The following VDAC1 variants were observed in gnomAD, a reference collection of about 807,000 sequenced individuals.
VDAC1 encodes non-selective voltage-gated ion channel VDAC1.
A neutral mutation model predicts 34.7 loss-of-function variants in VDAC1; 10 were observed. The ratio of observed to expected loss-of-function variants is 0.29; its 90% confidence interval spans 0.18 to 0.49. VDAC1 has a LOEUF of 0.49. Ranked by LOEUF, VDAC1 falls within the 20% of genes least tolerant of loss-of-function variation. The probability of loss-of-function intolerance (pLI) is 0.99; values close to 1 mark genes in which losing one functional copy is unlikely to be tolerated. For synonymous variants in VDAC1, 130 were observed against 136.0 expected (o/e 0.96, Z 0.30); for missense variants, 230 against 347.9 (o/e 0.66, Z 2.69).
chr5:134,103,246 C>A, the VDAC1 span, among the ~76,000 whole-genome samples: 2 of 152,150 alleles, frequency 1.3e-5, no homozygotes, highest in Non-Finnish European at 2.9e-5. Flanking sequence ...CTCAGCCTCC[C>A]GAGTAGCTGG....
chr5:134,008,666 T>C (rs971428081), upstream of VDAC1, among the ~76,000 whole-genome samples: 3 of 152,220 alleles, frequency 2.0e-5, no homozygotes, highest in Admixed American at 2.0e-4. Flanking sequence ...CAGAGCCAGA[T>C]GTCCCTGGAT....
At chr5:133,987,397 G>A (rs904704743) in intron 5 of VDAC1, among the ~76,000 whole-genome samples, 3 of 151,940 alleles carry the variant, frequency 2.0e-5, no homozygotes, top group Non-Finnish European at 4.4e-5. Flanking sequence ...ACCATTTGTA[G>A]CCAGGCGTGG....
the VDAC1 span, among the ~76,000 whole-genome samples, chr5:134,095,156 C>T: frequency 1.3e-5 from 2 of 152,090 alleles, no homozygotes; most frequent in Non-Finnish European, 2.9e-5. Context: ...TATCTCAGTG[C>T]CTTTATTTAA....
the VDAC1 span, among the ~76,000 whole-genome samples, chr5:134,107,065 A>C: frequency 6.6e-6 from 1 of 152,208 alleles, no homozygotes; most frequent in Non-Finnish European, 1.5e-5. Context: ...ACTCTTACAG[A>C]GACCACCCCT....
the VDAC1 span, among the ~76,000 whole-genome samples, chr5:134,089,427 T>C: frequency 6.6e-6 from 1 of 152,194 alleles, no homozygotes; most frequent in Non-Finnish European, 1.5e-5. Flanking sequence ...CCAATGTGGT[T>C]CCCATTTGAA....
intron 7 of VDAC1, 128 bp from the exon 8 acceptor site, chr5:133,973,976 T>G: frequency 1.4e-6 from 1 of 709,832 alleles, no homozygotes; most frequent in Non-Finnish European, 2.4e-6. Context: ...GACCACCTTG[T>G]TCATGAGATT....
the VDAC1 span, among the ~76,000 whole-genome samples, chr5:134,042,568 A>G: frequency 6.6e-6 from 1 of 151,898 alleles, no homozygotes; most frequent in Non-Finnish European, 1.5e-5. Flanking sequence ...ATCTCAGCTC[A>G]CTGCAACCTC....
chr5:134,081,270 C>T, the VDAC1 span, among the ~76,000 whole-genome samples: 1 of 152,134 alleles, frequency 6.6e-6, no homozygotes, highest in Admixed American at 6.5e-5. Context: ...AACTCCTGAC[C>T]AGGTGATCTG....
chr5:134,095,279 C>T, the VDAC1 span, among the ~76,000 whole-genome samples: 2 of 151,544 alleles, frequency 1.3e-5, no homozygotes, highest in Non-Finnish European at 2.9e-5. Flanking sequence ...GCCAGGAGTT[C>T]GAGACCAGCC....
At chr5:134,031,487 G>A in the VDAC1 span, among the ~76,000 whole-genome samples, 1 of 152,120 alleles carries the variant, frequency 6.6e-6, no homozygotes, top group Non-Finnish European at 1.5e-5. Flanking sequence ...TTTATAAGAG[G>A]GAGACAGGAG....
At chr5:134,090,768 C>T in the VDAC1 span, among the ~76,000 whole-genome samples, 1 of 152,204 alleles carries the variant, frequency 6.6e-6, no homozygotes, top group Non-Finnish European at 1.5e-5. Context: ...AGAGAGCAAC[C>T]TTCTACTTCC....
chr5:134,077,712 T>C, the VDAC1 span, among the ~76,000 whole-genome samples: 3 of 152,212 alleles, frequency 2.0e-5, no homozygotes, highest in Admixed American at 6.5e-5. Context: ...AGAGAAGAGC[T>C]AGGCCTCCCT....
At chr5:134,084,773 G>C in the VDAC1 span, among the ~76,000 whole-genome samples, 3,028 of 152,376 alleles carry the variant, frequency 0.02, 86 homozygotes, top group African/African-American at 0.069. Context: ...CCAGGGGTTA[G>C]GCTGATGCAA....
chr5:134,005,673 C>T (rs1753732462), upstream of VDAC1: 3 of 152,236 alleles, frequency 2.0e-5, no homozygotes, highest in South Asian at 4.1e-4. Context: ...GGGGCGTGTC[C>T]TGCGGGACCC....
At chr5:134,035,243 T>G in the VDAC1 span, among the ~76,000 whole-genome samples, 3 of 152,072 alleles carry the variant, frequency 2.0e-5, no homozygotes, top group African/African-American at 7.2e-5. Flanking sequence ...TGGGACAATT[T>G]TTGTTGTGTT....
chr5:134,097,209 GGATT>G, the VDAC1 span, among the ~76,000 whole-genome samples: 66 of 152,298 alleles, frequency 4.3e-4, no homozygotes, highest in African/African-American at 1.5e-3. Flanking sequence ...AACCCAGGTT[GGATT>G]GATTAACAAA....
the VDAC1 span, among the ~76,000 whole-genome samples, chr5:134,011,785 GC>G: frequency 6.6e-6 from 1 of 151,984 alleles, no homozygotes; most frequent in African/African-American, 2.4e-5. Context: ...GATTACAGGT[GC>G]CCACCACCAG....
At chr5:134,046,094 C>T in the VDAC1 span, among the ~76,000 whole-genome samples, 11 of 151,436 alleles carry the variant, frequency 7.3e-5, no homozygotes, top group African/African-American at 2.2e-4. Flanking sequence ...GGCGCAATCT[C>T]GGCTCACTGC....
At chr5:134,055,776 C>T in the VDAC1 span, among the ~76,000 whole-genome samples, 1 of 151,088 alleles carries the variant, frequency 6.6e-6, no homozygotes, top group Non-Finnish European at 1.5e-5. Context: ...TAAATACATG[C>T]CTGTAAACTA....
Sources: allele counts gnomAD v4.1 joint callset (sites outside exome capture counted in the v4.1 genomes callset), GRCh38; gene constraint gnomAD v4.1.1; transcripts MANE v1.5; gene names NCBI Gene and HGNC (gene_info 2026-07-23, HGNC 2026-07-21).